The following CNTN4 variants were observed in gnomAD, a reference collection of about 807,000 sequenced individuals.
CNTN4 encodes contactin 4.
CNTN4 carries 77 observed loss-of-function variants against 122.5 expected under a neutral mutation model. The observed-to-expected ratio is 0.63, with a 90% confidence interval of 0.52 to 0.76. The LOEUF (loss-of-function observed/expected upper bound fraction) is 0.76. Among genes scored for constraint, CNTN4 ranks in the 30% least tolerant of loss-of-function variants. The pLI, the probability that CNTN4 is intolerant of heterozygous loss-of-function variation, is 0.00. For missense variants in CNTN4, 1,256 were observed against 1,259.1 expected, an observed-to-expected ratio of 1.00 and a Z score of 0.04; for synonymous variants, 512 against 447.0, an observed-to-expected ratio of 1.15 and a Z score of -1.83.
At position 3,030,935 on chromosome 3, in the gene CNTN4, T is replaced by G. The variant is rs141576106; in HGVS notation, c.1743T>G (p.Ser581Arg). 8.7e-4 allele frequency: 1,397 copies of G among 1,613,924 alleles called. 2 individuals are homozygous for G. The highest frequency in any genetic ancestry group is 1.1e-3 in the Non-Finnish European group (1,346 of 1,179,952). ...AATATGTCTGCATGGTCCAAACAAG[T>G]GTGGACAGGCTATCTGCTGCTGCAG... is the stretch of plus-strand genomic sequence containing the variant. ...AGKYVCMVQT[S>R]VDRLSAAADL... Residue 581 changes from serine (S) to arginine (R), a missense_variant, in exon 16 of 25, where the codon AGT (serine) becomes AGG (arginine). Coordinates refer to ENST00000418658, the MANE Select transcript of CNTN4 (RefSeq NM_175607.3).
chr3:2,729,250 C>T (rs2088465307), intron 4 of CNTN4, among the ~76,000 whole-genome samples: 1 of 152,104 alleles, frequency 6.6e-6, no homozygotes, highest in African/African-American at 2.4e-5. Flanking sequence ...AGTTTTTCTT[C>T]ACTGGGATCC....
At chr3:2,730,104 G>T (rs1420138416) in intron 4 of CNTN4, among the ~76,000 whole-genome samples, 2 of 152,060 alleles carry the variant, frequency 1.3e-5, no homozygotes, top group Non-Finnish European at 2.9e-5. Flanking sequence ...TGAGACTGGA[G>T]GTGTTTCAGA....
intron 4 of CNTN4, among the ~76,000 whole-genome samples, chr3:2,695,372 A>G (rs1224150400): frequency 6.6e-6 from 1 of 152,204 alleles, no homozygotes; most frequent in African/African-American, 2.4e-5. Flanking sequence ...CCTCTTATGC[A>G]CAGCACCTTT....
intron 6 of CNTN4, among the ~76,000 whole-genome samples, chr3:2,762,184 G>A (rs988754744): frequency 6.6e-6 from 1 of 152,186 alleles, no homozygotes; most frequent in Admixed American, 6.5e-5. Context: ...ATGAAGAGCT[G>A]ACCTAAAAGT....
At chr3:2,692,237 G>C (rs962642211) in intron 4 of CNTN4, among the ~76,000 whole-genome samples, 1 of 152,198 alleles carries the variant, frequency 6.6e-6, no homozygotes, top group Non-Finnish European at 1.5e-5. Context: ...AGGAGGAAAA[G>C]TTGGCAAGAA....
intron 3 of CNTN4, among the ~76,000 whole-genome samples, chr3:2,507,676 A>G (rs1181091900): frequency 6.6e-6 from 1 of 150,548 alleles, no homozygotes; most frequent in Non-Finnish European, 1.5e-5. Context: ...CGGAGGTTGC[A>G]GTGAGCCGAG....
At chr3:2,376,591 C>T (rs1339463778) in intron 3 of CNTN4, among the ~76,000 whole-genome samples, 1 of 150,062 alleles carries the variant, frequency 6.7e-6, no homozygotes, top group African/African-American at 2.5e-5. Flanking sequence ...GCAGTTGTCA[C>T]TGTTTTTAGG....
At chr3:2,816,024 T>C (rs1049898769) in intron 6 of CNTN4, among the ~76,000 whole-genome samples, 16 of 151,924 alleles carry the variant, frequency 1.1e-4, no homozygotes, top group Admixed American at 1.3e-4. Context: ...CTCACTGATA[T>C]GTGGGAGCTA....
At chr3:2,106,647 C>T (rs2032470582) in intron 2 of CNTN4, among the ~76,000 whole-genome samples, 1 of 152,174 alleles carries the variant, frequency 6.6e-6, no homozygotes, top group African/African-American at 2.4e-5. Context: ...TTTTTCCCTC[C>T]TAGACCTCTG....
chr3:2,627,249 A>T lies in CNTN4; in HGVS notation c.55+55691A>T, dbSNP rs183420346. 4.2e-3 allele frequency among the ~76,000 whole-genome samples: 640 copies of T among 152,338 alleles called. 4 individuals are homozygous for T. The highest frequency in any genetic ancestry group is 0.015 in the African/African-American group (619 of 41,582). The stretch of plus-strand genomic sequence containing the variant: ...GTACAACTCATTTTACAATGTTTAC[A>T]CATAGACAGTAGTTTTTAAATGGAT... On this transcript the variant is annotated intron_variant, in intron 4 of 24. Coordinates refer to ENST00000418658, the MANE Select transcript of CNTN4 (RefSeq NM_175607.3).
At position 2,893,188 on chromosome 3, in the gene CNTN4, CT is replaced by C. The variant is rs1201964469; in HGVS notation, c.940+5967del. On this transcript the variant is annotated intron_variant, in intron 10 of 24. Transcript: ENST00000418658. ...ACATGTAAGACTAAATGTCTAGAGC[CT>C]TTGTGCTACAGTCCTTTGCCTCTAA... Among the ~76,000 whole-genome samples, 4 of 152,150 alleles carry C rather than the reference CT, an allele frequency of 2.6e-5. No individual in the cohort carries two copies. The East Asian group carries it at 7.7e-4, about 29-fold the overall frequency.
At chr3:3,015,882 G>A (rs114542129) in intron 14 of CNTN4, among the ~76,000 whole-genome samples, 79 of 152,290 alleles carry the variant, frequency 5.2e-4, no homozygotes, top group African/African-American at 1.8e-3. Flanking sequence ...CCCAGCAGAT[G>A]CAATCACACA....
chr3:2,849,255 T>C (rs941375370), intron 7 of CNTN4, among the ~76,000 whole-genome samples: 2 of 152,202 alleles, frequency 1.3e-5, no homozygotes, highest in African/African-American at 2.4e-5. Flanking sequence ...GAAGCATTTG[T>C]TGAATGAGTA....
intron 2 of CNTN4, among the ~76,000 whole-genome samples, chr3:2,338,598 G>A (rs2150348174): frequency 6.6e-6 from 1 of 151,834 alleles, no homozygotes; most frequent in South Asian, 2.1e-4. Flanking sequence ...AATTAAGTGT[G>A]TGTGTATTTA....
At chr3:2,554,452 G>A (rs995012189) in intron 3 of CNTN4, among the ~76,000 whole-genome samples, 1 of 151,944 alleles carries the variant, frequency 6.6e-6, no homozygotes, top group East Asian at 1.9e-4. Context: ...TCCTGCATTT[G>A]TACAATGATT....
At chr3:2,129,882 A>G (rs2125271096) in intron 2 of CNTN4, among the ~76,000 whole-genome samples, 1 of 152,132 alleles carries the variant, frequency 6.6e-6, no homozygotes, top group East Asian at 1.9e-4. Flanking sequence ...TTTGTTAATG[A>G]ATATTGCATT....
At chr3:2,168,868 G>A (rs983480133) in intron 2 of CNTN4, among the ~76,000 whole-genome samples, 1 of 152,056 alleles carries the variant, frequency 6.6e-6, no homozygotes, top group Non-Finnish European at 1.5e-5. Flanking sequence ...TTTTCGAAAA[G>A]AAAAATTTCC....
intron 2 of CNTN4, among the ~76,000 whole-genome samples, chr3:2,258,677 A>T (rs1257765207): frequency 6.6e-6 from 1 of 152,160 alleles, no homozygotes; most frequent in African/African-American, 2.4e-5. Flanking sequence ...AATTTCATGC[A>T]TGCAGCCTAT....
intron 6 of CNTN4, among the ~76,000 whole-genome samples, chr3:2,794,591 G>A (rs779678928): frequency 4.6e-5 from 7 of 152,130 alleles, no homozygotes; most frequent in Non-Finnish European, 1.0e-4. Flanking sequence ...CTCAAATAGG[G>A]CATGTTAAGC....
Sources: gnomAD v4.1 joint callset for allele counts (sites outside exome capture counted in the v4.1 genomes callset) on GRCh38, gnomAD v4.1.1 for gene constraint, MANE v1.5 for transcripts, NCBI Gene and HGNC (gene_info 2026-07-23, HGNC 2026-07-21) for gene names.